Variants in SDK1 observed in about 807,000 individuals in gnomAD.
SDK1 encodes the protein protein sidekick-1.
In SDK1, 157 loss-of-function variants were observed where a neutral mutation model predicts 245.5. The observed-to-expected ratio is 0.64, with a 90% CI of 0.56 to 0.73. The LOEUF is 0.73. SDK1 is among the 30% of genes least tolerant of loss of function. The pLI, the probability that SDK1 is intolerant of heterozygous loss-of-function variation, is 0.00. For missense variants in SDK1, 3,583 were observed against 3,002.3 expected (o/e 1.19, Z -4.52); for synonymous variants, 1,647 against 1,278.5 (o/e 1.29, Z -6.15).
chr7:3,435,277 A>G (rs969977762), intron 1 of SDK1, among the ~76,000 whole-genome samples: 2 of 148,106 alleles, frequency 1.4e-5, no homozygotes, highest in Admixed American at 6.7e-5. Flanking sequence ...CAGTGTGATC[A>G]CCAAATCCAC....
At chr7:3,943,620 G>C (rs528891302) in intron 5 of SDK1, among the ~76,000 whole-genome samples, 1 of 151,440 alleles carries the variant, frequency 6.6e-6, no homozygotes, top group African/African-American at 2.4e-5. Flanking sequence ...CCCGGCGCAC[G>C]GTGCGGGGCT....
At chr7:3,365,491 C>G (rs2128561747) in intron 1 of SDK1, among the ~76,000 whole-genome samples, 1 of 152,120 alleles carries the variant, frequency 6.6e-6, no homozygotes, top group South Asian at 2.1e-4. Context: ...AAAATTCTTC[C>G]CCTTAACTTA....
In SDK1 at chr7:4,129,775, C is replaced by T. The variant is rs531257787; in HGVS notation, c.3940-133C>T. On this transcript the variant is annotated intron_variant, in intron 26 of 44. Coordinates refer to ENST00000404826, the MANE Select transcript of SDK1 (RefSeq NM_152744.4). ...CATGGACAAATTAGATCCAGAAGCCCTGCACACAGCCATCCTCAGGGAGAA... is the reference window on the plus strand; with the variant it reads ...CATGGACAAATTAGATCCAGAAGCCTTGCACACAGCCATCCTCAGGGAGAA... 23 of 1,504,090 alleles carry T rather than the reference C, an allele frequency of 1.5e-5. No homozygotes were observed. In the African/African-American group the frequency reaches 2.8e-4, roughly 18 times the overall value. 93.2% of individuals were successfully genotyped at this position (1,504,090 alleles called of 1,614,324 possible). A position where few individuals can be genotyped will look rare whatever the true frequency, so the allele number is the denominator to read the frequency against.
At chr7:4,225,943 C>T (rs562553007) in intron 40 of SDK1, among the ~76,000 whole-genome samples, 2 of 146,256 alleles carry the variant, frequency 1.4e-5, no homozygotes, top group South Asian at 2.1e-4. Context: ...CCAAGCAGGC[C>T]GCGGGACCCG....
intron 38 of SDK1, among the ~76,000 whole-genome samples, chr7:4,213,070 A>G (rs1021380492): frequency 6.6e-6 from 1 of 152,108 alleles, no homozygotes; most frequent in Non-Finnish European, 1.5e-5. Context: ...CACAAGGTCA[A>G]GAGATCGAGA....
At chr7:3,853,624 C>A (rs998312403) in intron 5 of SDK1, among the ~76,000 whole-genome samples, 3 of 152,040 alleles carry the variant, frequency 2.0e-5, no homozygotes, top group African/African-American at 7.3e-5. Flanking sequence ...CACCCCTAAT[C>A]TGGAAATCCA....
chr7:3,534,453 A>T (rs1242433368), intron 1 of SDK1, among the ~76,000 whole-genome samples: 1 of 151,730 alleles, frequency 6.6e-6, no homozygotes, highest in Non-Finnish European at 1.5e-5. Flanking sequence ...TTTTTGAGAA[A>T]CCTCCATACC....
intron 1 of SDK1, among the ~76,000 whole-genome samples, chr7:3,364,001 G>A (rs1417084680): frequency 2.6e-5 from 4 of 152,210 alleles, no homozygotes; most frequent in African/African-American, 9.7e-5. Flanking sequence ...ATTCTGAGAT[G>A]TATGTGGTGA....
At chr7:4,139,199 G>A (rs1449288039) in intron 28 of SDK1, among the ~76,000 whole-genome samples, 2 of 152,130 alleles carry the variant, frequency 1.3e-5, no homozygotes, top group African/African-American at 2.4e-5. Flanking sequence ...CCATTTCCTG[G>A]AGTGACCTCC....
chr7:3,645,087 C>G (rs192054324), intron 4 of SDK1, among the ~76,000 whole-genome samples: 1 of 152,156 alleles, frequency 6.6e-6, no homozygotes, highest in Non-Finnish European at 1.5e-5. Context: ...TCACTATATG[C>G]ATGAGACAGC....
Position 3,398,768 on chromosome 7 carries a change from GTT to G in SDK1, c.298+96900_298+96901del, listed in dbSNP as rs35147042. Among the ~76,000 whole-genome samples the G allele has an allele frequency of 1.5e-3, 202 of 136,946 alleles. 1 individual carries two copies. The East Asian group carries it at 0.019, about 13-fold the overall frequency. The allele number at this position is 136,946 out of a possible 152,430, so 89.8% of individuals were successfully genotyped here. On this transcript the variant is annotated intron_variant, in intron 1 of 44. Transcript: ENST00000404826. The stretch of plus-strand genomic sequence containing the variant: ...GTCCCCTAAGACTGAGCCCCCAGTA[GTT>G]TTTTTTTTTTTTTTTCCTCAAGCTA...
chr7:4,205,373 G>A (rs1457140741), intron 35 of SDK1, among the ~76,000 whole-genome samples: 1 of 152,122 alleles, frequency 6.6e-6, no homozygotes, highest in Non-Finnish European at 1.5e-5. Flanking sequence ...GGAGTCCTGT[G>A]ACTCCCTCGC....
intron 1 of SDK1, among the ~76,000 whole-genome samples, chr7:3,492,452 C>G (rs1781893209): frequency 6.6e-6 from 1 of 152,222 alleles, no homozygotes; most frequent in African/African-American, 2.4e-5. Context: ...CGAGATCACG[C>G]CACCACACTC....
At chr7:3,817,349 AT>A (rs1169680722) in intron 4 of SDK1, among the ~76,000 whole-genome samples, 1 of 152,192 alleles carries the variant, frequency 6.6e-6, no homozygotes, top group Non-Finnish European at 1.5e-5. Context: ...TCTATGGGAC[AT>A]GAACAGTGTG....
At chr7:3,695,185 A>C (rs959443874) in intron 4 of SDK1, among the ~76,000 whole-genome samples, 1 of 152,240 alleles carries the variant, frequency 6.6e-6, no homozygotes. Flanking sequence ...AGCATGGTCT[A>C]CTTACACTAG....
intron 4 of SDK1, among the ~76,000 whole-genome samples, chr7:3,759,723 C>G (rs1780038829): frequency 6.6e-6 from 1 of 151,954 alleles, no homozygotes; most frequent in South Asian, 2.1e-4. Context: ...TCCTGAGTAG[C>G]TGGGACTACA....
rs181756760 is a variant in SDK1, at chr7:3,909,086, A to T, written c.848-41837A>T. Among the ~76,000 whole-genome samples the T allele has an allele frequency of 3.4e-3, 517 of 152,298 alleles. 1 individual carries two copies. Among genetic ancestry groups the T allele is most frequent in the African/African-American group, 0.012 (486 of 41,568 alleles). ...GGCCCCCTTTTCTCTCAGTTGCCCT[A>T]AAAGTTATTTATTCCTGGAGTTGGC... On this transcript the variant is annotated intron_variant, in intron 5 of 44. Coordinates refer to ENST00000404826, the MANE Select transcript of SDK1 (RefSeq NM_152744.4).
intron 41 of SDK1, 147 bp downstream of exon 41, chr7:4,233,566 G>A (rs1785944647): frequency 1.3e-6 from 1 of 741,164 alleles, no homozygotes; most frequent in South Asian, 1.9e-5. Flanking sequence ...GTCTTCTCCT[G>A]AAGGATGGGA....
rs187166359 is a variant in SDK1, at chr7:3,572,970, C to A, written c.299-46110C>A. 3.9e-5 allele frequency among the ~76,000 whole-genome samples: 6 copies of A among 152,090 alleles called. No individual in the cohort carries two copies. In the East Asian group the frequency reaches 1.2e-3, roughly 29 times the overall value. ...GTGGAGAGAGAGGTGGACAGTGTTGCAGGCAGACGGAGCATCTGGGGTGAC... is the reference window on the plus strand; with the variant it reads ...GTGGAGAGAGAGGTGGACAGTGTTGAAGGCAGACGGAGCATCTGGGGTGAC... On this transcript the variant is annotated intron_variant, in intron 1 of 44. Coordinates refer to ENST00000404826, the MANE Select transcript of SDK1 (RefSeq NM_152744.4).
Sources: allele counts gnomAD v4.1 joint callset (sites outside exome capture counted in the v4.1 genomes callset), GRCh38; gene constraint gnomAD v4.1.1; transcripts MANE v1.5; gene names NCBI Gene and HGNC (gene_info 2026-07-23, HGNC 2026-07-21).